The following BCL11A variants were observed in gnomAD, a reference collection of about 807,000 sequenced individuals.
BCL11A encodes B cell CLL/lymphoma 11A.
In BCL11A, 2 loss-of-function variants were observed where a neutral mutation model predicts 55.9. The ratio of observed to expected loss-of-function variants is 0.04; its 90% CI spans 0.01 to 0.11. The LOEUF (loss-of-function observed/expected upper bound fraction) is 0.11. BCL11A is among the 10% of genes least tolerant of loss of function. The pLI is 1.00. For synonymous variants in BCL11A, 465 were observed against 473.4 expected (o/e 0.98, Z 0.23); for missense variants, 817 against 1,137.1 (o/e 0.72, Z 4.05).
In BCL11A at chr2:60,546,402, G is replaced by T; in HGVS notation, c.56-102C>A. On this transcript the variant is annotated intron_variant, in intron 1 of 3. Coordinates refer to ENST00000642384, the MANE Select transcript of BCL11A (RefSeq NM_022893.4). The surrounding 1 kb of genome is among the most constrained non-coding windows in gnomAD (Gnocchi z 4.1). ...ATGCCATCCCACCACATCATGTAAA[G>T]TGTTTCTAGGCTTCTCTATATAATA... 1 of 967,940 alleles carries T rather than the reference G, an allele frequency of 1.0e-6. No individual in the cohort carries two copies. The highest frequency in any genetic ancestry group is 1.5e-6 in the Non-Finnish European group (1 of 647,968). The allele number at this position is 967,940 out of a possible 1,614,324, so 60.0% of individuals were successfully genotyped here.
intron 2 of BCL11A, among the ~76,000 whole-genome samples, chr2:60,540,946 T>TTGTGTGTGTGTGTGTGTGTG (rs368895286): frequency 7.1e-6 from 1 of 140,216 alleles, no homozygotes; most frequent in Non-Finnish European, 1.5e-5. Context: ...AGCACTGGTT[T>TTGTGTGTGTGTGTGTGTGTG]TGTGTGTGTG....
intron 2 of BCL11A, among the ~76,000 whole-genome samples, chr2:60,505,724 C>T (rs1289492686): frequency 6.6e-6 from 1 of 152,228 alleles, no homozygotes; most frequent in Non-Finnish European, 1.5e-5. Flanking sequence ...ACACAGCTGG[C>T]CACTCTGTGA....
chr2:60,463,045 TAAAATAC>T (rs975672927), intron 3 of BCL11A, among the ~76,000 whole-genome samples: 1 of 152,214 alleles, frequency 6.6e-6, no homozygotes, highest in Non-Finnish European at 1.5e-5. Context: ...AGGGTACTCA[TAAAATAC>T]TTCCGTGGAA....
downstream of BCL11A, chr2:60,452,821 G>T: frequency 1.7e-6 from 1 of 597,042 alleles, no homozygotes; most frequent in Non-Finnish European, 3.0e-6. Context: ...TTCAAACTCA[G>T]CCTCCCCTCC....
intron 2 of BCL11A, among the ~76,000 whole-genome samples, chr2:60,500,396 C>G (rs1301197190): frequency 6.6e-6 from 1 of 152,198 alleles, no homozygotes; most frequent in East Asian, 1.9e-4. Context: ...TGTGGGCTGA[C>G]AGATGTGCCT....
In BCL11A at chr2:60,467,255, G is replaced by GTAA. The variant is rs1558618678; in HGVS notation, c.487+1476_487+1477insTTA. Among the ~76,000 whole-genome samples the GTAA allele has an allele frequency of 3.6e-5, 4 of 110,070 alleles. 1 individual carries two copies. Among genetic ancestry groups the GTAA allele is most frequent in the Admixed American group, 2.8e-4 (3 of 10,658 alleles). The allele number at this position is 110,070 out of a possible 152,430, so 72.2% of individuals were successfully genotyped here. A position where few individuals can be genotyped will look rare whatever the true frequency, so the allele number is the denominator to read the frequency against. ...GGTGGTAGTGATGGTGGTGGTAATG[G>GTAA]TGGTGGTGGTGATGGTGGTGGTGGT... On this transcript the variant is annotated intron_variant, in intron 3 of 3. Transcript: ENST00000642384.
chr2:60,520,560 A>G (rs1473519535), intron 2 of BCL11A, among the ~76,000 whole-genome samples: 1 of 152,222 alleles, frequency 6.6e-6, no homozygotes, highest in African/African-American at 2.4e-5. Flanking sequence ...AATTATCCTC[A>G]CAGAGTTTTC....
intron 3 of BCL11A, among the ~76,000 whole-genome samples, chr2:60,463,277 G>C (rs1676415996): frequency 6.6e-6 from 1 of 152,226 alleles, no homozygotes; most frequent in African/African-American, 2.4e-5. Flanking sequence ...AAAGTTAGGA[G>C]GAGTGGCTGG....
chr2:60,521,256 G>A (rs926538381), intron 2 of BCL11A, among the ~76,000 whole-genome samples: 2 of 152,218 alleles, frequency 1.3e-5, no homozygotes, highest in South Asian at 4.1e-4. Context: ...GCACTTAGAT[G>A]GCAGCTAAAA....
Position 60,458,395 on chromosome 2 carries a change from TC to T in BCL11A, c.*2008del. On this transcript the variant is annotated 3_prime_UTR_variant, in exon 4 of 4. Transcript: ENST00000642384. ...AGACAATGGAACCCTAAAATGCAGT[TC>T]CCCCCTAAACATAATGAAGTGTTTT... 2 of 1,023,478 alleles carry T rather than the reference TC, an allele frequency of 2.0e-6. No homozygotes were observed. Among genetic ancestry groups the T allele is most frequent in the Non-Finnish European group, 1.2e-6 (1 of 852,136 alleles). The allele number at this position is 1,023,478 out of a possible 1,614,324, so 63.4% of individuals were successfully genotyped here.
At position 60,540,946 on chromosome 2, in the gene BCL11A, T is replaced by TTGTGTGTGTGTG. The variant is rs368895286; in HGVS notation, c.385+5013_385+5024dup. Among the ~76,000 whole-genome samples, 731 of 140,300 alleles carry TTGTGTGTGTGTG rather than the reference T, an allele frequency of 5.2e-3. 5 individuals are homozygous for TTGTGTGTGTGTG. The highest frequency in any genetic ancestry group is 6.6e-3 in the Admixed American group (93 of 14,016). The allele number at this position is 140,300 out of a possible 152,430, so 92.0% of individuals were successfully genotyped here. ...GATTTAAGAAATTACAGCACTGGTT[T>TTGTGTGTGTGTG]TGTGTGTGTGTGTGTGTGTGTGTGT... On this transcript the variant is annotated intron_variant, in intron 2 of 3. Coordinates refer to ENST00000642384, the MANE Select transcript of BCL11A (RefSeq NM_022893.4).
At chr2:60,484,185 T>C (rs113168426) in intron 2 of BCL11A, 1 of 152,256 alleles carries the variant, frequency 6.6e-6, no homozygotes, top group African/African-American at 2.4e-5. Context: ...ACTCTGACAG[T>C]GTCAGAAAAT....
exon 5 of BCL11A, chr2:60,451,171 C>G (rs1675708422): frequency 2.0e-5 from 4 of 195,176 alleles, no homozygotes; most frequent in Non-Finnish European, 4.3e-5. Flanking sequence ...CTACTGTAGA[C>G]AGTCATTATT....
At chr2:60,511,691 C>G (rs887680980) in intron 2 of BCL11A, among the ~76,000 whole-genome samples, 2 of 152,212 alleles carry the variant, frequency 1.3e-5, no homozygotes, top group Non-Finnish European at 2.9e-5. Context: ...ACAATCATCA[C>G]TCAGTCAACG....
At chr2:60,470,956 A>T (rs1040824896) in intron 2 of BCL11A, among the ~76,000 whole-genome samples, 3 of 152,208 alleles carry the variant, frequency 2.0e-5, no homozygotes, top group African/African-American at 7.2e-5. Context: ...GAAGATTAGA[A>T]TTAATCTCCT....
At chr2:60,545,869 G>A in intron 2 of BCL11A, 102 bp downstream of exon 2, 1 of 916,212 alleles carries the variant, frequency 1.1e-6, no homozygotes, top group East Asian at 2.4e-5. Flanking sequence ...GTCACATAGA[G>A]TAATAGAGAA....
At chr2:60,510,180 G>A (rs1181360793) in intron 2 of BCL11A, among the ~76,000 whole-genome samples, 3 of 152,132 alleles carry the variant, frequency 2.0e-5, no homozygotes, top group Admixed American at 6.5e-5. Context: ...CTCTGGAAGC[G>A]CAAGTCATAT....
chr2:60,468,597 G>A (rs1677022885), intron 3 of BCL11A, 135 bp downstream of exon 3: 1 of 611,172 alleles, frequency 1.6e-6, no homozygotes, highest in East Asian at 3.4e-5. Flanking sequence ...CGGCTGCCAA[G>A]TGAGTAATGG....
chr2:60,499,657 T>C (rs1041523306), intron 2 of BCL11A: 6 of 152,032 alleles, frequency 3.9e-5, no homozygotes, highest in African/African-American at 1.5e-4. Context: ...CCCATGCAGG[T>C]GTCAGTGAGG....
Sources: gnomAD v4.1 joint callset for allele counts (sites outside exome capture counted in the v4.1 genomes callset) on GRCh38, gnomAD v4.1.1 for gene constraint, Gnocchi (gnomAD v3.1) non-coding constraint, MANE v1.5 for transcripts, NCBI Gene and HGNC (gene_info 2026-07-23, HGNC 2026-07-21) for gene names.